Variants in KIF1B observed in about 807,000 individuals in gnomAD.
KIF1B encodes the protein kinesin family member 1B.
In KIF1B, 76 loss-of-function variants were observed where a neutral mutation model predicts 241.9. The observed-to-expected ratio is 0.31, with a 90% CI of 0.26 to 0.38. The LOEUF (loss-of-function observed/expected upper bound fraction) is 0.38, where lower values mean the gene tolerates loss of function less well. Among genes scored for constraint, KIF1B ranks in the 10% least tolerant of loss-of-function variants. The pLI, the probability that KIF1B is intolerant of heterozygous loss-of-function variation, is 1.00. For missense variants in KIF1B, 1,622 were observed against 2,271.4 expected (o/e 0.71, Z 5.81); for synonymous variants, 750 against 796.7 (o/e 0.94, Z 0.99).
chr1:10,215,683 T>C (rs749014240), intron 1 of KIF1B, among the ~76,000 whole-genome samples: 5 of 151,980 alleles, frequency 3.3e-5, no homozygotes, highest in Non-Finnish European at 7.4e-5. Context: ...GTAGCTGGGA[T>C]CACAGGCATG....
intron 1 of KIF1B, among the ~76,000 whole-genome samples, chr1:10,221,923 C>T (rs1354383129): frequency 6.6e-6 from 1 of 152,150 alleles, no homozygotes; most frequent in Non-Finnish European, 1.5e-5. Flanking sequence ...TCAAGCGATT[C>T]TCATGCCTCA....
At chr1:10,321,935 T>C (rs1399157146) in intron 24 of KIF1B, 78 bp downstream of exon 24, 1 of 1,535,692 alleles carries the variant, frequency 6.5e-7, no homozygotes, top group East Asian at 2.3e-5. Context: ...TCACCTTGAA[T>C]TAACCTTTCC....
intron 15 of KIF1B, among the ~76,000 whole-genome samples, chr1:10,285,719 C>A (rs879392179): frequency 2.0e-5 from 3 of 152,210 alleles, no homozygotes; most frequent in Non-Finnish European, 4.4e-5. Context: ...GAATTTCTTT[C>A]GGGCAGACCT....
chr1:10,316,210 G>A (rs1258162548), intron 22 of KIF1B, among the ~76,000 whole-genome samples: 1 of 148,256 alleles, frequency 6.7e-6, no homozygotes, highest in African/African-American at 2.5e-5. Context: ...CCCAGCCTGG[G>A]TGACAGAGGG....
chr1:10,374,353 C>G lies in KIF1B; in HGVS notation c.4984C>G (p.Pro1662Ala). ...EANSRASSPC[P>A]EFEQFQIVPA... The stretch of plus-strand genomic sequence containing the variant: ...CAATTCCCGGGCCTCTAGTCCCTGC[C>G]CAGAATTTGAACAGTTTCAGATTGT... The change falls in exon 46 of 49, where the codon CCA becomes GCA. Residue 1662 changes from proline to alanine, a missense_variant. Pro to Ala is a conservative substitution (Grantham distance 27). This residue lies in a region of KIF1B where 357 missense variants were observed against 409.0 expected (regional missense o/e 0.87). Coordinates refer to ENST00000676179, the MANE Select transcript of KIF1B (RefSeq NM_001365951.3). The surrounding 1 kb of genome is among the most constrained non-coding windows in gnomAD (Gnocchi z 4.3). 1 of 1,614,112 alleles carries G rather than the reference C, an allele frequency of 6.2e-7. No homozygotes were observed. Among genetic ancestry groups the G allele is most frequent in the Non-Finnish European group, 8.5e-7 (1 of 1,180,012 alleles).
At position 10,337,610 on chromosome 1, in the gene KIF1B, A is replaced by C; in HGVS notation, c.3422+77A>C. ...TCTCTTGTGCACTGTAGAGTGCTTT[A>C]CATGTGTGAGGGATTAACACTCTTG... On this transcript the variant is annotated intron_variant, in intron 31 of 48. Coordinates refer to ENST00000676179, the MANE Select transcript of KIF1B (RefSeq NM_001365951.3). This position sits in a 1 kb window ranked among gnomAD's most constrained non-coding sequence, Gnocchi z 4.0. 2 of 1,501,162 alleles carry C rather than the reference A, an allele frequency of 1.3e-6. No homozygotes were observed. Among genetic ancestry groups the C allele is most frequent in the South Asian group, 1.1e-5 (1 of 88,150 alleles). The allele number at this position is 1,501,162 out of a possible 1,614,324, so 93.0% of individuals were successfully genotyped here. A position where few individuals can be genotyped will look rare whatever the true frequency, so the allele number is the denominator to read the frequency against.
intron 34 of KIF1B, chr1:10,344,802 T>G (rs1652528044): frequency 6.6e-6 from 1 of 152,196 alleles, no homozygotes; most frequent in Non-Finnish European, 1.5e-5. Context: ...GATAGTAGGC[T>G]AAATATTAGG....
intron 44 of KIF1B, among the ~76,000 whole-genome samples, chr1:10,370,187 T>C (rs1638689649): frequency 2.0e-5 from 3 of 152,118 alleles, no homozygotes; most frequent in Admixed American, 6.6e-5. Context: ...GAGGTGGAGG[T>C]TGCGGTGAGC....
At chr1:10,266,362 C>A (rs1648464031) in intron 5 of KIF1B, among the ~76,000 whole-genome samples, 1 of 152,200 alleles carries the variant, frequency 6.6e-6, no homozygotes, top group African/African-American at 2.4e-5. Flanking sequence ...TGCTTAGATA[C>A]ATGTTTAATT....
Position 10,323,716 on chromosome 1 carries a change from T to G in KIF1B, c.2359-168T>G, listed in dbSNP as rs192604056. ...AAATAGCTTAATTTGAAGTTAGGGT[T>G]ATTCCCTATGACTGCTAACAGGTGG... On this transcript the variant is annotated intron_variant, in intron 24 of 48. Coordinates refer to ENST00000676179, the MANE Select transcript of KIF1B (RefSeq NM_001365951.3). Among the ~76,000 whole-genome samples the G allele has an allele frequency of 3.9e-5, 6 of 152,346 alleles. No individual in the cohort carries two copies. In the South Asian group the frequency reaches 6.2e-4, roughly 16 times the overall value.
intron 13 of KIF1B, 125 bp from the exon 14 acceptor site, chr1:10,278,972 T>C: frequency 1.8e-6 from 1 of 556,294 alleles, no homozygotes. Context: ...GTAAAAATGA[T>C]ACCGTATTCT....
chr1:10,361,649 A>T, intron 39 of KIF1B, 43 bp from the exon 40 acceptor site: 1 of 1,611,094 alleles, frequency 6.2e-7, no homozygotes, highest in Non-Finnish European at 8.5e-7. Flanking sequence ...TAGTCACAGT[A>T]CTCTGCCTGC....
intron 1 of KIF1B, among the ~76,000 whole-genome samples, chr1:10,218,286 G>C (rs1462981680): frequency 1.3e-5 from 2 of 152,060 alleles, no homozygotes; most frequent in Admixed American, 1.3e-4. Context: ...GCAGTACTAA[G>C]TATGTTACTC....
intron 28 of KIF1B, among the ~76,000 whole-genome samples, chr1:10,334,919 T>C (rs1652106992): frequency 6.6e-6 from 1 of 151,964 alleles, no homozygotes; most frequent in Non-Finnish European, 1.5e-5. Context: ...TTGCATTAAC[T>C]ATATAAAAGT....
chr1:10,361,075 A>T, intron 39 of KIF1B, 32 bp downstream of exon 39: 1 of 1,357,404 alleles, frequency 7.4e-7, no homozygotes, highest in East Asian at 2.3e-5. Context: ...GTTGATGCCA[A>T]CAGTCAGCCC....
chr1:10,318,393 C>G (rs6703602), intron 22 of KIF1B, among the ~76,000 whole-genome samples: 23,046 of 151,400 alleles, frequency 0.15, 2,360 homozygotes, highest in African/African-American at 0.22. Flanking sequence ...CCCTTTGTCT[C>G]ATGACAGCCT....
chr1:10,297,420 A>G (rs1650324107), intron 22 of KIF1B, among the ~76,000 whole-genome samples, 174 bp downstream of exon 22: 1 of 152,202 alleles, frequency 6.6e-6, no homozygotes. Flanking sequence ...CTTAGCCTGA[A>G]AAAATAGTCC....
rs1257045927 is a variant in KIF1B, at chr1:10,258,650, G to A, written c.341G>A (p.Ser114Asn). 1 of 1,614,078 alleles carries A rather than the reference G, an allele frequency of 6.2e-7. No individual in the cohort carries two copies. Among genetic ancestry groups the A allele is most frequent in the Non-Finnish European group, 8.5e-7 (1 of 1,179,998 alleles). ...ACAATGATGGGTAAACAAGAAGAAA[G>A]CCAGGCTGGCATCATTCCACAGGTG... ...SYTMMGKQEE[S>N]QAGIIPQLCE... is the part of the protein sequence containing the mutation. Residue 114 changes from serine to asparagine, a missense_variant, in exon 4 of 49, where the codon AGC becomes AAC. This residue lies in a region of KIF1B where 156 missense variants were observed against 244.8 expected (regional missense o/e 0.64). Transcript: ENST00000676179.
At chr1:10,328,954 G>C (rs1224819075) in intron 27 of KIF1B, among the ~76,000 whole-genome samples, 4 of 152,210 alleles carry the variant, frequency 2.6e-5, no homozygotes, top group Non-Finnish European at 5.9e-5. Context: ...CTACTAAGAA[G>C]CATTTGTATT....
Sources: gnomAD v4.1 joint callset for allele counts (sites outside exome capture counted in the v4.1 genomes callset) on GRCh38, gnomAD v4.1.1 for gene constraint, gnomAD v4.1.1 regional missense constraint, Gnocchi (gnomAD v3.1) non-coding constraint, MANE v1.5 for transcripts, NCBI Gene and HGNC (gene_info 2026-07-23, HGNC 2026-07-21) for gene names.